CNTN5: variants seen among roughly 807,000 people sequenced by gnomAD.
CNTN5 encodes the protein contactin-5.
In CNTN5, 77 loss-of-function variants were observed where a neutral mutation model predicts 129.1. The ratio of observed to expected loss-of-function variants is 0.60; its 90% CI spans 0.50 to 0.72. CNTN5 has a LOEUF of 0.72. CNTN5 is among the 30% of genes least tolerant of loss of function. CNTN5 has a pLI of 0.00. For synonymous variants in CNTN5, 509 were observed against 465.6 expected, an observed-to-expected ratio of 1.09 and a Z score of -1.20; for missense variants, 1,478 against 1,328.8, an observed-to-expected ratio of 1.11 and a Z score of -1.75.
At chr11:99,679,607 T>C (rs1309433475) in intron 3 of CNTN5, among the ~76,000 whole-genome samples, 1 of 152,296 alleles carries the variant, frequency 6.6e-6, no homozygotes, top group East Asian at 1.9e-4. Context: ...CAGGCCACTT[T>C]TTCCTGTCCC....
chr11:99,798,236 T>C (rs1164166347), intron 3 of CNTN5, among the ~76,000 whole-genome samples: 2 of 151,366 alleles, frequency 1.3e-5, no homozygotes, highest in African/African-American at 4.9e-5. Context: ...TGCATTGGTT[T>C]GCTTAGGATA....
chr11:99,885,097 A>G (rs192022912), intron 6 of CNTN5, among the ~76,000 whole-genome samples: 6 of 152,210 alleles, frequency 3.9e-5, no homozygotes, highest in Non-Finnish European at 7.4e-5. Context: ...AGCCTGTGCA[A>G]CATGGCACAA....
chr11:100,249,594 G>T lies in CNTN5; in HGVS notation c.2006-6166G>T, dbSNP rs77687243. Among the ~76,000 whole-genome samples, 653 of 152,300 alleles carry T rather than the reference G, an allele frequency of 4.3e-3. 2 individuals are homozygous for T. Among genetic ancestry groups the T allele is most frequent in the Admixed American group, 8.0e-3 (123 of 15,296 alleles). On this transcript the variant is annotated intron_variant, in intron 16 of 24. Coordinates refer to ENST00000524871, the MANE Select transcript of CNTN5 (RefSeq NM_014361.4). ...TATAACCAAGTATAAAATTTAATGA[G>T]ATTTCTACTGAATGAGTGGCATTTG...
chr11:99,521,227 AT>A (rs1947263872), intron 2 of CNTN5, among the ~76,000 whole-genome samples: 1 of 152,078 alleles, frequency 6.6e-6, no homozygotes, highest in Admixed American at 6.6e-5. Context: ...TGGGGAAAAG[AT>A]GTGGCTGAAG....
At chr11:99,774,522 A>C (rs1335584323) in intron 3 of CNTN5, among the ~76,000 whole-genome samples, 1 of 151,934 alleles carries the variant, frequency 6.6e-6, no homozygotes, top group Non-Finnish European at 1.5e-5. Context: ...CTGTTACAGA[A>C]ACAAGTTAAA....
intron 3 of CNTN5, among the ~76,000 whole-genome samples, chr11:99,796,440 G>A (rs964510886): frequency 1.3e-5 from 2 of 152,072 alleles, no homozygotes; most frequent in Non-Finnish European, 2.9e-5. Context: ...AAGTTGCACA[G>A]GGAAGGATAT....
chr11:99,545,438 C>G (rs1948258457), intron 2 of CNTN5, among the ~76,000 whole-genome samples: 1 of 152,160 alleles, frequency 6.6e-6, no homozygotes, highest in Admixed American at 6.5e-5. Flanking sequence ...AGCATAATTA[C>G]TCTTACTTAA....
intron 1 of CNTN5, among the ~76,000 whole-genome samples, chr11:99,164,260 T>C (rs757758275): frequency 1.3e-5 from 2 of 149,424 alleles, no homozygotes; most frequent in Non-Finnish European, 3.0e-5. Flanking sequence ...GAGGCAGAGG[T>C]TGTAGTGAGC....
At chr11:99,211,838 T>TA (rs1859809575) in intron 1 of CNTN5, among the ~76,000 whole-genome samples, 1 of 152,172 alleles carries the variant, frequency 6.6e-6, no homozygotes, top group Non-Finnish European at 1.5e-5. Flanking sequence ...TTATCCTTTT[T>TA]AAAAAAGTTA....
chr11:100,245,389 C>G (rs1441760011), intron 16 of CNTN5, among the ~76,000 whole-genome samples: 1 of 152,092 alleles, frequency 6.6e-6, no homozygotes, highest in South Asian at 2.1e-4. Flanking sequence ...GTCTCTGTCA[C>G]AAGAAGATTG....
At chr11:99,745,751 T>G (rs1487876650) in intron 3 of CNTN5, among the ~76,000 whole-genome samples, 1 of 151,980 alleles carries the variant, frequency 6.6e-6, no homozygotes, top group Admixed American at 6.6e-5. Flanking sequence ...AATTCAATAG[T>G]TAATTCATTG....
intron 21 of CNTN5, among the ~76,000 whole-genome samples, chr11:100,334,237 CT>C (rs909890180): frequency 3.3e-5 from 5 of 152,124 alleles, no homozygotes; most frequent in Non-Finnish European, 5.9e-5. Flanking sequence ...GAGATACCAC[CT>C]CACTCCTGCA....
At chr11:100,291,809 A>T (rs916850729) in intron 18 of CNTN5, among the ~76,000 whole-genome samples, 4 of 150,244 alleles carry the variant, frequency 2.7e-5, no homozygotes, top group Non-Finnish European at 5.9e-5. Context: ...TAAATAAAAA[A>T]TTAAAAAAAG....
chr11:99,209,104 C>T (rs11218841), intron 1 of CNTN5, among the ~76,000 whole-genome samples: 21,100 of 151,886 alleles, frequency 0.14, 1,539 homozygotes, highest in African/African-American at 0.17. Flanking sequence ...TGTGAATTGA[C>T]GCTACAGTGT....
intron 13 of CNTN5, among the ~76,000 whole-genome samples, chr11:100,077,675 G>T (rs58011674): frequency 6.6e-6 from 1 of 151,502 alleles, no homozygotes; most frequent in Non-Finnish European, 1.5e-5. Flanking sequence ...TAAAAAAGAA[G>T]AAAAAACAAC....
At chr11:99,648,729 T>TA (rs1380029134) in intron 3 of CNTN5, among the ~76,000 whole-genome samples, 2 of 151,762 alleles carry the variant, frequency 1.3e-5, no homozygotes, top group African/African-American at 4.8e-5. Context: ...ATGTGGCTAT[T>TA]AAAAAGAATA....
intron 1 of CNTN5, among the ~76,000 whole-genome samples, chr11:99,237,656 G>A (rs571064108): frequency 9.1e-4 from 138 of 151,464 alleles, no homozygotes; most frequent in Non-Finnish European, 1.7e-3. Flanking sequence ...ACCCCAGCCT[G>A]ATGACAAAAC....
At position 99,145,608 on chromosome 11, in the gene CNTN5, T is replaced by C. The variant is rs1217043512; in HGVS notation, c.-210+124338T>C. Among the ~76,000 whole-genome samples, 3 of 152,274 alleles carry C rather than the reference T, an allele frequency of 2.0e-5. No homozygotes were observed. The East Asian group carries it at 5.8e-4, about 29-fold the overall frequency. ...TCTTCTTACTGTGAGTTGCATCTAG[T>C]TTTAAATATTTAGAGTATCTTATTT... On this transcript the variant is annotated intron_variant, in intron 1 of 24. Transcript: ENST00000524871.
At chr11:99,638,664 A>G (rs1951655433) in intron 3 of CNTN5, among the ~76,000 whole-genome samples, 1 of 152,170 alleles carries the variant, frequency 6.6e-6, no homozygotes, top group South Asian at 2.1e-4. Flanking sequence ...GGGTCCATGC[A>G]AGTCCAAAAT....
Sources: allele counts gnomAD v4.1 joint callset (sites outside exome capture counted in the v4.1 genomes callset), GRCh38; gene constraint gnomAD v4.1.1; transcripts MANE v1.5; gene names NCBI Gene and HGNC (gene_info 2026-07-23, HGNC 2026-07-21).